Variants in DMD observed in about 807,000 individuals in gnomAD.
DMD encodes the protein mutant dystrophin.
A neutral mutation model predicts 330.1 loss-of-function variants in DMD; 63 were observed. That is an observed-to-expected ratio of 0.19 (90% CI 0.16 to 0.24). DMD has a LOEUF of 0.24. Among genes scored for constraint, DMD ranks in the 10% least tolerant of loss-of-function variants. DMD has a pLI of 1.00. For missense variants in DMD, 3,344 were observed against 2,684.1 expected (o/e 1.25, Z -5.43); for synonymous variants, 1,223 against 959.8 (o/e 1.27, Z -5.07).
chrX:32,801,677 A>AT (rs1178439039), intron 7 of DMD, among the ~76,000 whole-genome samples: 1 of 111,707 alleles, frequency 9.0e-6, no homozygotes, highest in Non-Finnish European at 1.9e-5. Flanking sequence ...TCTTGAGTTA[A>AT]TTTTTGTATA....
chrX:33,009,995 CACGTATGTAT>C (rs1234598212), intron 2 of DMD, among the ~76,000 whole-genome samples: 1 of 26,335 alleles, frequency 3.8e-5, no homozygotes, highest in African/African-American at 1.7e-4. Context: ...TGTGTATATA[CACGTATGTAT>C]GTGTATATAC....
intron 44 of DMD, among the ~76,000 whole-genome samples, chrX:32,186,324 T>C (rs1211395366): frequency 1.8e-5 from 2 of 111,511 alleles, no homozygotes; most frequent in East Asian, 5.6e-4. Flanking sequence ...TTTTACTCAC[T>C]GTAATTCAAT....
intron 62 of DMD, among the ~76,000 whole-genome samples, chrX:31,319,578 G>C (rs5972371): frequency 0.051 from 5,764 of 112,148 alleles, 336 homozygotes; most frequent in African/African-American, 0.17. Flanking sequence ...GCATTATTAA[G>C]AAGTGGTCAT....
chrX:33,022,585 A>T (rs1220625945), intron 1 of DMD, among the ~76,000 whole-genome samples: 4 of 110,707 alleles, frequency 3.6e-5, no homozygotes, highest in Non-Finnish European at 5.7e-5. Flanking sequence ...TATAAAATAC[A>T]TAACAATTCT....
intron 21 of DMD, among the ~76,000 whole-genome samples, chrX:32,483,187 TATTTATTAATCTAGA>T (rs1448276143): frequency 5.9e-5 from 3 of 50,655 alleles, no homozygotes; most frequent in Non-Finnish European, 1.3e-4. Flanking sequence ...ATTAAAGGGT[TATTTATTAATCTAGA>T]CAAGCATTCC....
chrX:32,085,037 A>G (rs906781744), intron 44 of DMD, among the ~76,000 whole-genome samples: 2 of 111,326 alleles, frequency 1.8e-5, no homozygotes, highest in African/African-American at 6.5e-5. Context: ...TTGGGTTATC[A>G]TGCTGACTGT....
intron 44 of DMD, among the ~76,000 whole-genome samples, chrX:32,065,184 T>C (rs952138230): frequency 2.7e-5 from 3 of 111,487 alleles, no homozygotes; most frequent in African/African-American, 6.5e-5. Flanking sequence ...ACTTGAGAAG[T>C]TGAGCTGATT....
At chrX:32,426,651 A>T (rs2098214032) in intron 29 of DMD, among the ~76,000 whole-genome samples, 1 of 111,589 alleles carries the variant, frequency 9.0e-6, no homozygotes. Flanking sequence ...ACAAAGACAC[A>T]TGCACACATA....
At chrX:32,606,379 T>G (rs940571538) in intron 12 of DMD, among the ~76,000 whole-genome samples, 2 of 109,695 alleles carry the variant, frequency 1.8e-5, no homozygotes, top group Admixed American at 9.8e-5. Context: ...TTTAAGGGGA[T>G]ACCTGTCATT....
intron 55 of DMD, among the ~76,000 whole-genome samples, chrX:31,594,050 G>A (rs1286707562): frequency 9.0e-6 from 1 of 110,571 alleles, no homozygotes; most frequent in East Asian, 2.8e-4. Flanking sequence ...GGAAAGGTGA[G>A]TAAACACTAT....
chrX:32,166,647 T>C (rs2096869514), intron 44 of DMD, among the ~76,000 whole-genome samples: 1 of 111,619 alleles, frequency 9.0e-6, no homozygotes. Flanking sequence ...TTTTTGGTTA[T>C]CCTTGTGCCT....
chrX:31,601,957 C>T (rs2077387937), intron 55 of DMD, among the ~76,000 whole-genome samples: 1 of 111,248 alleles, frequency 9.0e-6, no homozygotes. Context: ...AAATGAGCTG[C>T]AAATGGACCC....
At chrX:32,595,395 A>G (rs1184212475) in intron 13 of DMD, among the ~76,000 whole-genome samples, 2 of 111,888 alleles carry the variant, frequency 1.8e-5, no homozygotes, top group African/African-American at 6.5e-5. Flanking sequence ...TAATGATGAA[A>G]TGGGTGCTTT....
At position 31,657,671 on chromosome X, in the gene DMD, A is replaced by C. The variant is rs144018094; in HGVS notation, c.8027+319T>G. Reference sequence around the variant, plus strand: ...GTAAGGCAGTGTGCGCCATGATGAGATAGAAAGATATTCCTTTGGATAGAG... The same window carrying C: ...GTAAGGCAGTGTGCGCCATGATGAGCTAGAAAGATATTCCTTTGGATAGAG... On this transcript the variant is annotated intron_variant, in intron 54 of 78. Coordinates refer to ENST00000357033, the MANE Select transcript of DMD (RefSeq NM_004006.3). 9.3e-3 allele frequency among the ~76,000 whole-genome samples: 1,045 copies of C among 112,158 alleles called. 8 individuals carry two copies. Among genetic ancestry groups the C allele is most frequent in the African/African-American group, 0.031 (962 of 30,888 alleles).
chrX:32,514,517 G>A (rs1030635710), intron 18 of DMD, among the ~76,000 whole-genome samples: 3 of 111,800 alleles, frequency 2.7e-5, no homozygotes, highest in Admixed American at 9.4e-5. Context: ...CGAGGCGGGC[G>A]GATCACGAGG....
At chrX:32,270,503 T>A (rs1395630376) in intron 43 of DMD, among the ~76,000 whole-genome samples, 1 of 111,977 alleles carries the variant, frequency 8.9e-6, no homozygotes, top group Non-Finnish European at 1.9e-5. Context: ...CTCAGTTCTG[T>A]TTTGTAGTAG....
chrX:32,927,189 C>T (rs935870076), intron 2 of DMD, among the ~76,000 whole-genome samples: 3 of 111,151 alleles, frequency 2.7e-5, no homozygotes, highest in African/African-American at 6.5e-5. Flanking sequence ...TCTCACATTC[C>T]CTTCTGTCCA....
chrX:31,849,980 TATG>T (rs761113508), intron 48 of DMD, among the ~76,000 whole-genome samples: 11 of 111,199 alleles, frequency 9.9e-5, no homozygotes, highest in Non-Finnish European at 1.7e-4. Flanking sequence ...TTGTACAGAT[TATG>T]TTGTCACCCA....
chrX:33,221,663 G>A (rs765889520), intron 1 of DMD, among the ~76,000 whole-genome samples: 14 of 110,134 alleles, frequency 1.3e-4, no homozygotes, highest in African/African-American at 1.6e-4. Context: ...CAAGTTACCC[G>A]TATCAGAAAT....
Sources: allele counts gnomAD v4.1 joint callset (sites outside exome capture counted in the v4.1 genomes callset), GRCh38; gene constraint gnomAD v4.1.1; transcripts MANE v1.5; gene names NCBI Gene and HGNC (gene_info 2026-07-23, HGNC 2026-07-21).